Variants in FCHSD2 observed in about 807,000 individuals in gnomAD.
FCHSD2 encodes the protein FCH and double SH3 domains 2, also known as F-BAR and double SH3 domains protein 2.
FCHSD2 carries 38 observed loss-of-function variants against 108.1 expected under a neutral mutation model. The observed-to-expected ratio is 0.35, with a 90% CI of 0.27 to 0.46. FCHSD2 has a LOEUF of 0.46. Ranked by LOEUF, FCHSD2 falls within the 20% of genes least tolerant of loss-of-function variation. The pLI, the probability that FCHSD2 is intolerant of heterozygous loss-of-function variation, is 1.00. For missense variants in FCHSD2, 751 were observed against 897.8 expected (o/e 0.84, Z 2.09); for synonymous variants, 279 against 314.7 (o/e 0.89, Z 1.20).
At chr11:72,902,960 T>C (rs1855556896) in intron 9 of FCHSD2, among the ~76,000 whole-genome samples, 1 of 152,130 alleles carries the variant, frequency 6.6e-6, no homozygotes, top group African/African-American at 2.4e-5. Context: ...CACAGAATAG[T>C]GTGCAGATAA....
At chr11:73,127,301 G>A (rs554627256) in intron 2 of FCHSD2, among the ~76,000 whole-genome samples, 2 of 152,230 alleles carry the variant, frequency 1.3e-5, no homozygotes, top group Non-Finnish European at 1.5e-5. Flanking sequence ...AAGATCAAAT[G>A]GAATGTTAAA....
At chr11:72,856,300 GATGAGTCC>G (rs1861427301) in intron 13 of FCHSD2, among the ~76,000 whole-genome samples, 2 of 152,136 alleles carry the variant, frequency 1.3e-5, no homozygotes, top group South Asian at 4.2e-4. Context: ...GTCAGGATAT[GATGAGTCC>G]AAAAGTACAG....
In FCHSD2 at chr11:72,987,142, C is replaced by G. The variant is rs111615035; in HGVS notation, c.521+1822G>C. ...ATTGTATCCCTCTTCCTTCTATGGTCTCTCCTAATGTGTGCATCTCCACAC... is the reference window on the plus strand; with the variant it reads ...ATTGTATCCCTCTTCCTTCTATGGTGTCTCCTAATGTGTGCATCTCCACAC... On this transcript the variant is annotated intron_variant, in intron 6 of 19. Coordinates refer to ENST00000409418, the MANE Select transcript of FCHSD2 (RefSeq NM_014824.3). Among the ~76,000 whole-genome samples, 102 of 152,250 alleles carry G rather than the reference C, an allele frequency of 6.7e-4. 1 individual carries two copies. The highest frequency in any genetic ancestry group is 2.3e-3 in the African/African-American group (96 of 41,542).
chr11:72,901,634 C>T (rs1591381709), intron 10 of FCHSD2, among the ~76,000 whole-genome samples: 1 of 151,986 alleles, frequency 6.6e-6, no homozygotes, highest in Admixed American at 6.6e-5. Flanking sequence ...ATCAATCTCA[C>T]ACTTTAACTA....
At chr11:72,880,061 CA>C (rs1298063160) in intron 12 of FCHSD2, among the ~76,000 whole-genome samples, 1 of 31,372 alleles carries the variant, frequency 3.2e-5, no homozygotes, top group Non-Finnish European at 5.6e-5. Flanking sequence ...CAAACCAAAA[CA>C]AGACAAAAAC....
chr11:72,966,194 C>G (rs1223595708), intron 8 of FCHSD2, among the ~76,000 whole-genome samples: 7 of 13,762 alleles, frequency 5.1e-4, no homozygotes, highest in African/African-American at 5.6e-4. Flanking sequence ...TGGTCTCACT[C>G]TGTCGCCCAG....
At chr11:73,064,120 G>A (rs1429988495) in intron 3 of FCHSD2, among the ~76,000 whole-genome samples, 1 of 152,056 alleles carries the variant, frequency 6.6e-6, no homozygotes, top group Admixed American at 6.5e-5. Context: ...CTAGAACTCA[G>A]GATTAAGACA....
intron 17 of FCHSD2, 38 bp downstream of exon 17, chr11:72,842,583 A>G (rs532041123): frequency 6.2e-7 from 1 of 1,612,110 alleles, no homozygotes; most frequent in Non-Finnish European, 8.5e-7. Flanking sequence ...AATTTTCTTT[A>G]AACATCTTTT....
intron 4 of FCHSD2, among the ~76,000 whole-genome samples, chr11:73,013,293 TTC>T (rs1207742767): frequency 1.3e-5 from 2 of 152,210 alleles, no homozygotes; most frequent in Non-Finnish European, 2.9e-5. Context: ...CACTTAGAAT[TTC>T]TTTTACCAAA....
chr11:73,085,473 G>A (rs1051741180), intron 2 of FCHSD2, among the ~76,000 whole-genome samples: 4 of 152,078 alleles, frequency 2.6e-5, no homozygotes, highest in African/African-American at 7.2e-5. Flanking sequence ...AATGACTTTC[G>A]GAGGATTTAA....
intron 4 of FCHSD2, among the ~76,000 whole-genome samples, chr11:73,010,467 T>C (rs1565366623): frequency 1.3e-5 from 2 of 152,248 alleles, no homozygotes. Context: ...TTCCTTGCTT[T>C]TTCATGTTTC....
At chr11:72,914,473 C>T (rs1341936384) in intron 9 of FCHSD2, among the ~76,000 whole-genome samples, 1 of 152,172 alleles carries the variant, frequency 6.6e-6, no homozygotes, top group African/African-American at 2.4e-5. Flanking sequence ...AGGCATCACG[C>T]TACCCAACTT....
chr11:72,997,651 A>C (rs1248425889), intron 5 of FCHSD2, among the ~76,000 whole-genome samples: 1 of 152,244 alleles, frequency 6.6e-6, no homozygotes, highest in Non-Finnish European at 1.5e-5. Context: ...TTTAAAAGTC[A>C]AATAAAAATC....
intron 3 of FCHSD2, among the ~76,000 whole-genome samples, chr11:73,051,096 G>A (rs1246527570): frequency 1.3e-5 from 2 of 152,162 alleles, no homozygotes; most frequent in Non-Finnish European, 2.9e-5. Flanking sequence ...TGGGAGGATC[G>A]CTTGAATCCA....
chr11:73,132,964 T>C (rs913210001), intron 2 of FCHSD2, among the ~76,000 whole-genome samples: 9 of 152,104 alleles, frequency 5.9e-5, no homozygotes, highest in Non-Finnish European at 1.3e-4. Context: ...AGTACTTGAA[T>C]AGACATTTCT....
At chr11:72,878,034 G>A (rs1158934067) in intron 12 of FCHSD2, among the ~76,000 whole-genome samples, 1 of 151,976 alleles carries the variant, frequency 6.6e-6, no homozygotes, top group Non-Finnish European at 1.5e-5. Flanking sequence ...TAAAATATTA[G>A]ATAATATGAT....
chr11:72,839,463 C>G (rs1239517990), intron 19 of FCHSD2, among the ~76,000 whole-genome samples: 1 of 152,156 alleles, frequency 6.6e-6, no homozygotes, highest in Non-Finnish European at 1.5e-5. Context: ...ACTTAGGAGA[C>G]TTTTGTAATC....
chr11:72,924,128 A>G (rs1027865883), intron 8 of FCHSD2, among the ~76,000 whole-genome samples: 3 of 152,012 alleles, frequency 2.0e-5, no homozygotes, highest in Admixed American at 6.6e-5. Flanking sequence ...AAAAAAAGTG[A>G]TAAGGTCTTG....
At chr11:73,108,588 G>A (rs1197001074) in intron 2 of FCHSD2, among the ~76,000 whole-genome samples, 2 of 152,248 alleles carry the variant, frequency 1.3e-5, no homozygotes, top group South Asian at 2.1e-4. Context: ...TTGAGACGGA[G>A]TCTCGCTCTG....
Sources: allele counts gnomAD v4.1 joint callset (sites outside exome capture counted in the v4.1 genomes callset), GRCh38; gene constraint gnomAD v4.1.1; transcripts MANE v1.5; gene names NCBI Gene and HGNC (gene_info 2026-07-23, HGNC 2026-07-21).